Variants in MYH15 observed in about 807,000 individuals in gnomAD.
The protein encoded by MYH15 is myosin-15.
Under a neutral mutation model 240.5 loss-of-function variants are expected in MYH15, and 227 were observed. That is an observed-to-expected ratio of 0.94 (90% CI 0.85 to 1.05). MYH15 has a LOEUF of 1.05. Among genes scored for constraint, MYH15 ranks in the 50% least tolerant of loss-of-function variants. The pLI is 0.00. For synonymous variants in MYH15, 785 were observed against 796.7 expected (o/e 0.99, Z 0.25); for missense variants, 2,217 against 2,247.5 (o/e 0.99, Z 0.27).
chr3:108,387,499 C>T (rs1189479209), intron 38 of MYH15, among the ~76,000 whole-genome samples: 2 of 152,114 alleles, frequency 1.3e-5, no homozygotes, highest in Non-Finnish European at 2.9e-5. Context: ...CACGATAGAA[C>T]AAGAATGCAT....
In MYH15 at chr3:108,510,451, GCTGTGGC is replaced by G. The variant is rs762589731; in HGVS notation, c.73_79del (p.Ala25ProfsTer22). 6.8e-6 allele frequency: 11 copies of G among 1,610,592 alleles called. No homozygotes were observed. The South Asian group carries it at 1.1e-4, about 16-fold the overall frequency. On this transcript the variant is annotated frameshift_variant, in exon 1 of 41. Transcript: ENST00000693548. LOFTEE classifies it high-confidence loss of function. ...ACCACCACATGTCTCACCATCCAAGGCTGTGGCCTGTAGTAGAAGCAGCTCAGCTTCA... is the reference window on the plus strand; with the variant it reads ...ACCACCACATGTCTCACCATCCAAGGCTGTAGTAGAAGCAGCTCAGCTTCA...
chr3:108,430,845 A>C lies in MYH15; in HGVS notation c.3299T>G (p.Val1100Gly), dbSNP rs2082772630. Reference protein sequence around the residue: ...KGLVAQLQKTVKELQTQIKDL... With the variant: ...KGLVAQLQKTGKELQTQIKDL... ...ATAATTGATTACCTGAAGCTCTTTAACCGTCTTCTGAAGCTGAGCTACCAG... is the reference window on the plus strand; with the variant it reads ...ATAATTGATTACCTGAAGCTCTTTACCCGTCTTCTGAAGCTGAGCTACCAG... Residue 1100 changes from valine (V) to glycine (G), a missense_variant, in exon 26 of 41, where the codon GTT becomes GGT. Transcript: ENST00000693548. 2 of 1,611,328 alleles carry C rather than the reference A, an allele frequency of 1.2e-6. No homozygotes were observed. Among genetic ancestry groups the C allele is most frequent in the South Asian group, 2.2e-5 (2 of 91,056 alleles).
At chr3:108,447,234 G>A (rs4522773) in intron 21 of MYH15, among the ~76,000 whole-genome samples, 12,262 of 151,934 alleles carry the variant, frequency 0.081, 1,277 homozygotes, top group East Asian at 0.53. Context: ...GTAGGACATC[G>A]GCAAGCTTAC....
chr3:108,411,118 C>G (rs530202800), intron 30 of MYH15, among the ~76,000 whole-genome samples, 186 bp from the exon 31 acceptor site: 6 of 152,340 alleles, frequency 3.9e-5, no homozygotes, highest in Admixed American at 3.9e-4. Context: ...CCACCATCCT[C>G]TGCCTCCTGT....
intron 9 of MYH15, 152 bp from the exon 10 acceptor site, chr3:108,486,678 A>G: frequency 2.1e-6 from 1 of 483,088 alleles, no homozygotes; most frequent in Non-Finnish European, 3.7e-6. Context: ...AACTTCTACA[A>G]TCAATGTTTG....
At position 108,383,739 on chromosome 3, in the gene MYH15, T is replaced by TAAAAAAAAA. The variant is rs397818948; in HGVS notation, c.5632-19_5632-11dup. On this transcript the variant is annotated splice_polypyrimidine_tract_variant and intron_variant, in intron 39 of 40. Transcript: ENST00000693548. ...GATTGGCTTGTGTTTCCTATAAAAA[T>TAAAAAAAAA]AAAAAAAAAAAAAAAGAAATCTCCA... 2 of 1,351,888 alleles carry TAAAAAAAAA rather than the reference T, an allele frequency of 1.5e-6. No individual in the cohort carries two copies. The highest frequency in any genetic ancestry group is 9.7e-7 in the Non-Finnish European group (1 of 1,029,806). The allele number at this position is 1,351,888 out of a possible 1,614,324, so 83.7% of individuals were successfully genotyped here.
upstream of MYH15, among the ~76,000 whole-genome samples, chr3:108,514,699 T>C (rs2083547257): frequency 6.6e-6 from 1 of 152,086 alleles, no homozygotes; most frequent in Non-Finnish European, 1.5e-5. Flanking sequence ...ACTGTAGCAG[T>C]GAAGGGAAGA....
chr3:108,474,949 G>C (rs532043469), intron 12 of MYH15, among the ~76,000 whole-genome samples: 1 of 152,266 alleles, frequency 6.6e-6, no homozygotes, highest in South Asian at 2.1e-4. Flanking sequence ...GAGGTTAGAA[G>C]ACAAAAATCT....
the MYH15 span, among the ~76,000 whole-genome samples, chr3:108,534,745 G>A: frequency 6.6e-6 from 1 of 151,266 alleles, no homozygotes; most frequent in Non-Finnish European, 1.5e-5. Context: ...GCTGGGCGTG[G>A]TGGGATGCAC....
chr3:108,438,872 G>GT (rs2082862560), intron 24 of MYH15, among the ~76,000 whole-genome samples: 1 of 152,156 alleles, frequency 6.6e-6, no homozygotes, highest in Non-Finnish European at 1.5e-5. Flanking sequence ...GTGGGTGGGT[G>GT]TGTGGGTGTG....
the MYH15 span, among the ~76,000 whole-genome samples, chr3:108,542,125 TGAG>T: frequency 1.3e-5 from 2 of 152,150 alleles, no homozygotes; most frequent in African/African-American, 4.8e-5. Flanking sequence ...TTTTAGATTT[TGAG>T]AAGATAGTTC....
chr3:108,388,985 T>C lies in MYH15; in HGVS notation c.5520A>G (p.Lys1840=), dbSNP rs1451919346. The change falls in exon 38 of 41, where the codon AAA becomes AAG. Residue 1840 remains lysine (K), a synonymous_variant. Coordinates refer to ENST00000693548, the MANE Select transcript of MYH15 (RefSeq NM_014981.3). ...CCTGGAGTACCTGATAGGTCAGCTC[T>C]TTGATGCATCGCTCAAGTCTGCGGG... The part of the protein sequence containing the change: ...RGARRLERCI[K]ELTYQAEEDK... The C allele has an allele frequency of 6.2e-7, 1 of 1,613,626 alleles. No homozygotes were observed. The highest frequency in any genetic ancestry group is 8.5e-7 in the Non-Finnish European group (1 of 1,179,808).
intron 40 of MYH15, 34 bp downstream of exon 40, chr3:108,383,561 A>T (rs1271524289): frequency 1.2e-6 from 2 of 1,603,832 alleles, no homozygotes; most frequent in Admixed American, 1.7e-5. Flanking sequence ...AAACATGATT[A>T]AAGAGTTAGA....
chr3:108,498,537 G>A (rs2083411908), intron 5 of MYH15, among the ~76,000 whole-genome samples: 1 of 152,044 alleles, frequency 6.6e-6, no homozygotes, highest in Admixed American at 6.5e-5. Flanking sequence ...CTCAGAAGAG[G>A]GCTACCAATC....
intron 25 of MYH15, among the ~76,000 whole-genome samples, chr3:108,433,465 G>A (rs2082798122): frequency 6.6e-6 from 1 of 152,180 alleles, no homozygotes; most frequent in Non-Finnish European, 1.5e-5. Flanking sequence ...GGCATGATTG[G>A]TTTTGAAATG....
chr3:108,417,030 C>A, intron 28 of MYH15, 100 bp from the exon 29 acceptor site: 1 of 868,666 alleles, frequency 1.2e-6, no homozygotes, highest in East Asian at 2.5e-5. Context: ...ATGACTCCTA[C>A]CCACATATTT....
the MYH15 span, among the ~76,000 whole-genome samples, chr3:108,542,062 A>T: frequency 1.3e-5 from 2 of 152,130 alleles, no homozygotes; most frequent in African/African-American, 4.8e-5. Flanking sequence ...AATAACTGTC[A>T]TGTATCATCC....
Position 108,501,764 on chromosome 3 carries a change from T to C in MYH15, c.287A>G (p.Glu96Gly). ...EDMAMLTHLN[E>G]ASVLHTLKRR... The stretch of plus-strand genomic sequence containing the variant: ...CTTCAGGGTATGCAGCACGGATGCC[T>C]CATTGAGGTGAGTCAGCATTGCCAT... The change falls in exon 3 of 41, where the codon GAG becomes GGG. Residue 96 changes from glutamate (E) to glycine (G), a missense_variant. Coordinates refer to ENST00000693548, the MANE Select transcript of MYH15 (RefSeq NM_014981.3). 6.2e-7 allele frequency: 1 copy of C among 1,614,072 alleles called. No individual in the cohort carries two copies. The highest frequency in any genetic ancestry group is 1.3e-5 in the African/African-American group (1 of 75,022).
Position 108,410,707 on chromosome 3 carries a change from C to G in MYH15, c.4371G>C (p.Ala1457=). 1.2e-6 allele frequency: 2 copies of G among 1,614,190 alleles called. No homozygotes were observed. Among genetic ancestry groups the G allele is most frequent in the Non-Finnish European group, 1.7e-6 (2 of 1,180,040 alleles). Reference sequence around the variant, plus strand: ...CTTCCTTCTGAGAGGCATCCAGCAACGCCTGGGACTCCTCGTGCTTCTGCT... The same window carrying G: ...CTTCCTTCTGAGAGGCATCCAGCAAGGCCTGGGACTCCTCGTGCTTCTGCT... ...DWKQKHEESQ[A]LLDASQKEVQ... is the part of the protein sequence containing the mutation. Residue 1457 remains alanine, a synonymous_variant, in exon 31 of 41, where the codon GCG becomes GCC. Transcript: ENST00000693548.
Sources: allele counts gnomAD v4.1 joint callset (sites outside exome capture counted in the v4.1 genomes callset), GRCh38; gene constraint gnomAD v4.1.1; transcripts MANE v1.5; gene names NCBI Gene and HGNC (gene_info 2026-07-23, HGNC 2026-07-21).